APBB2: variants seen among roughly 807,000 people sequenced by gnomAD.
APBB2 encodes the protein Fe65-like 1.
APBB2 carries 38 observed loss-of-function variants against 82.5 expected under a neutral mutation model. The ratio of observed to expected loss-of-function variants is 0.46; its 90% confidence interval spans 0.36 to 0.60. The LOEUF is 0.60. APBB2 is among the 20% of genes least tolerant of loss of function. The probability of loss-of-function intolerance (pLI) is 0.00; values close to 1 mark genes in which losing one functional copy is unlikely to be tolerated. For synonymous variants in APBB2, 341 were observed against 368.2 expected (o/e 0.93, Z 0.85); for missense variants, 772 against 972.3 (o/e 0.79, Z 2.74).
intron 1 of APBB2, among the ~76,000 whole-genome samples, chr4:41,157,672 G>A (rs150021975): frequency 6.6e-5 from 10 of 152,252 alleles, no homozygotes; most frequent in African/African-American, 1.2e-4. Flanking sequence ...CCAGTTCTTC[G>A]CAAATTTCCA....
At position 40,951,761 on chromosome 4, in the gene APBB2, T is replaced by C. The variant is rs1332665003; in HGVS notation, c.836-6688A>G. On this transcript the variant is annotated intron_variant, in intron 6 of 17. Transcript: ENST00000508593. Reference sequence around the variant, plus strand: ...TGGATGGTCACTGTTAGTGTTATCATCACCATCACTAGAAATTGGAGGTCT... The same window carrying C: ...TGGATGGTCACTGTTAGTGTTATCACCACCATCACTAGAAATTGGAGGTCT... Among the ~76,000 whole-genome samples the C allele has an allele frequency of 1.3e-5, 2 of 152,202 alleles. 1 individual carries two copies. The highest frequency in any genetic ancestry group is 1.3e-4 in the Admixed American group (2 of 15,280).
intron 2 of APBB2, among the ~76,000 whole-genome samples, chr4:41,130,526 C>G (rs368373405): frequency 6.6e-6 from 1 of 152,194 alleles, no homozygotes; most frequent in Non-Finnish European, 1.5e-5. Context: ...CTTCTGCTAT[C>G]AGAACTTGCA....
chr4:41,204,225 A>G (rs1777399829), intron 1 of APBB2, among the ~76,000 whole-genome samples: 1 of 152,246 alleles, frequency 6.6e-6, no homozygotes, highest in Non-Finnish European at 1.5e-5. Context: ...CTCATCAAAA[A>G]GCTTAGACTT....
chr4:41,087,034 G>C (rs1309570002), intron 3 of APBB2, among the ~76,000 whole-genome samples: 2 of 152,134 alleles, frequency 1.3e-5, no homozygotes, highest in Non-Finnish European at 2.9e-5. Flanking sequence ...TAGCTACTCA[G>C]GACGCTGAGG....
intron 1 of APBB2, among the ~76,000 whole-genome samples, chr4:41,184,129 C>G (rs983899080): frequency 6.6e-6 from 1 of 152,002 alleles, no homozygotes; most frequent in Non-Finnish European, 1.5e-5. Context: ...CTAAGGCCAC[C>G]ACTGATCTGA....
intron 4 of APBB2, among the ~76,000 whole-genome samples, chr4:41,046,711 G>A (rs998350935): frequency 5.9e-5 from 9 of 152,130 alleles, no homozygotes; most frequent in African/African-American, 2.2e-4. Context: ...AGGATCTCAC[G>A]GTTCCCCATG....
chr4:41,106,612 G>T (rs1747334900), intron 2 of APBB2, among the ~76,000 whole-genome samples: 1 of 152,084 alleles, frequency 6.6e-6, no homozygotes, highest in African/African-American at 2.4e-5. Flanking sequence ...AAGTAGCTGG[G>T]ACTACAGGCG....
At chr4:41,015,399 T>A (rs1809619814) in intron 5 of APBB2, among the ~76,000 whole-genome samples, 1 of 152,216 alleles carries the variant, frequency 6.6e-6, no homozygotes, top group Non-Finnish European at 1.5e-5. Flanking sequence ...CACAGAGACT[T>A]TGGTGATCTC....
intron 1 of APBB2, among the ~76,000 whole-genome samples, chr4:41,181,684 G>A (rs1486706316): frequency 3.3e-5 from 5 of 152,072 alleles, no homozygotes; most frequent in South Asian, 2.1e-4. Flanking sequence ...AGTGGCTCAC[G>A]CCTATAATTC....
At chr4:40,989,050 C>T (rs1038247537) in intron 6 of APBB2, among the ~76,000 whole-genome samples, 7 of 152,108 alleles carry the variant, frequency 4.6e-5, no homozygotes, top group African/African-American at 1.2e-4. Context: ...TGAGCCACTG[C>T]GCCTGGCCCC....
At chr4:40,970,367 T>C (rs1050058291) in intron 6 of APBB2, among the ~76,000 whole-genome samples, 8 of 152,170 alleles carry the variant, frequency 5.3e-5, no homozygotes, top group African/African-American at 1.9e-4. Flanking sequence ...CCGTTTAGTA[T>C]GGTTTCAATC....
chr4:40,952,532 T>C (rs1446674615), intron 6 of APBB2, among the ~76,000 whole-genome samples: 1 of 152,238 alleles, frequency 6.6e-6, no homozygotes, highest in Admixed American at 6.5e-5. Context: ...TTAAGTAGAC[T>C]TGTGAAACTT....
At chr4:40,916,989 GCACCGCAGACTTC>G (rs1307961091) in intron 10 of APBB2, among the ~76,000 whole-genome samples, 1 of 152,196 alleles carries the variant, frequency 6.6e-6, no homozygotes, top group Non-Finnish European at 1.5e-5. Flanking sequence ...GGGCTCTGCT[GCACCGCAGACTTC>G]TGCAGGCTTC....
intron 15 of APBB2, 65 bp downstream of exon 15, chr4:40,825,822 G>T: frequency 7.6e-7 from 1 of 1,311,914 alleles, no homozygotes; most frequent in Non-Finnish European, 1.1e-6. Flanking sequence ...CTCCTCGGAG[G>T]GCGAACGCCT....
intron 10 of APBB2, among the ~76,000 whole-genome samples, chr4:40,923,108 T>C (rs1560287841): frequency 6.6e-6 from 1 of 151,944 alleles, no homozygotes; most frequent in Admixed American, 6.6e-5. Flanking sequence ...CCCGAGTAGC[T>C]GGGACTACAG....
At chr4:41,048,703 C>T (rs1291057924) in intron 4 of APBB2, among the ~76,000 whole-genome samples, 1 of 149,174 alleles carries the variant, frequency 6.7e-6, no homozygotes, top group Non-Finnish European at 1.5e-5. Context: ...TCTCCTTCCA[C>T]GGTCTCCCTC....
intron 6 of APBB2, among the ~76,000 whole-genome samples, chr4:40,997,480 A>G (rs771240164): frequency 2.6e-5 from 4 of 152,256 alleles, no homozygotes; most frequent in Non-Finnish European, 5.9e-5. Context: ...AGTTAAGTAC[A>G]TTAGCACATT....
chr4:41,055,724 C>T (rs1727604890), intron 4 of APBB2, among the ~76,000 whole-genome samples: 1 of 152,196 alleles, frequency 6.6e-6, no homozygotes, highest in Non-Finnish European at 1.5e-5. Context: ...TCAGCTCCAC[C>T]ATTGTCTGTG....
At chr4:40,999,402 C>T (rs1804535018) in intron 6 of APBB2, among the ~76,000 whole-genome samples, 1 of 152,168 alleles carries the variant, frequency 6.6e-6, no homozygotes, top group Non-Finnish European at 1.5e-5. Flanking sequence ...GTGACTGCAC[C>T]ACTGGACTCT....
Sources: gnomAD v4.1 joint callset for allele counts (sites outside exome capture counted in the v4.1 genomes callset) on GRCh38, gnomAD v4.1.1 for gene constraint, MANE v1.5 for transcripts, NCBI Gene and HGNC (gene_info 2026-07-23, HGNC 2026-07-21) for gene names.